RALYL: variants seen among roughly 807,000 people sequenced by gnomAD.
RALYL encodes the protein RNA-binding Raly-like protein.
Under a neutral mutation model 35.1 loss-of-function variants are expected in RALYL, and 29 were observed. The ratio of observed to expected loss-of-function variants is 0.83; its 90% CI spans 0.61 to 1.13. The LOEUF is 1.13. Among genes scored for constraint, RALYL ranks in the 50% most tolerant of loss-of-function variants. The probability of loss-of-function intolerance (pLI) is 0.00; values close to 1 mark genes in which losing one functional copy is unlikely to be tolerated. For synonymous variants in RALYL, 120 were observed against 127.6 expected (o/e 0.94, Z 0.40); for missense variants, 359 against 360.4 (o/e 1.00, Z 0.03).
At chr8:84,666,842 A>G (rs916274578) in intron 2 of RALYL, among the ~76,000 whole-genome samples, 1 of 152,060 alleles carries the variant, frequency 6.6e-6, no homozygotes, top group South Asian at 2.1e-4. Flanking sequence ...TTATTCATGT[A>G]TTTATTCTGC....
At position 84,502,907 on chromosome 8, in the gene RALYL, A is replaced by C. The variant is rs539037681; in HGVS notation, c.-23-26392A>C. Among the ~76,000 whole-genome samples the C allele has an allele frequency of 3.0e-5, 4 of 133,916 alleles. No homozygotes were observed. The South Asian group carries it at 1.1e-3, about 37-fold the overall frequency. 87.9% of individuals were successfully genotyped at this position (133,916 alleles called of 152,430 possible). A position where few individuals can be genotyped will look rare whatever the true frequency, so the allele number is the denominator to read the frequency against. ...TTATTTCTGCTTCAATCAAAGACCC[A>C]CTCTTTAAAAAAAAAAAAGGAAAAA... is the stretch of plus-strand genomic sequence containing the variant. On this transcript the variant is annotated intron_variant, in intron 1 of 8. Transcript: ENST00000521268.
intron 2 of RALYL, among the ~76,000 whole-genome samples, chr8:84,643,407 C>T (rs936489994): frequency 6.6e-6 from 1 of 152,028 alleles, no homozygotes; most frequent in Non-Finnish European, 1.5e-5. Flanking sequence ...CTCCAGTGGT[C>T]ACTTTCTTTG....
At chr8:84,906,148 T>C (rs1846452036) in intron 8 of RALYL, among the ~76,000 whole-genome samples, 1 of 152,106 alleles carries the variant, frequency 6.6e-6, no homozygotes, top group South Asian at 2.1e-4. Context: ...TTTCCAGAGG[T>C]TGTTGAACTT....
At chr8:84,387,894 G>A (rs1859613246) in intron 1 of RALYL, among the ~76,000 whole-genome samples, 1 of 149,760 alleles carries the variant, frequency 6.7e-6, no homozygotes, top group African/African-American at 2.5e-5. Context: ...TGCACAATGT[G>A]CAGGTTAGTT....
At chr8:84,744,831 T>A (rs1260291748) in intron 2 of RALYL, among the ~76,000 whole-genome samples, 1 of 151,952 alleles carries the variant, frequency 6.6e-6, no homozygotes, top group African/African-American at 2.4e-5. Context: ...CCAAAAATGA[T>A]GATAAAAGAC....
chr8:84,788,473 C>G (rs939601001), intron 3 of RALYL, among the ~76,000 whole-genome samples: 1 of 152,088 alleles, frequency 6.6e-6, no homozygotes, highest in Non-Finnish European at 1.5e-5. Context: ...TAGACATTTT[C>G]AGTGAAAAAT....
At chr8:84,859,620 T>G (rs2135010435) in intron 5 of RALYL, among the ~76,000 whole-genome samples, 1 of 152,220 alleles carries the variant, frequency 6.6e-6, no homozygotes, top group Non-Finnish European at 1.5e-5. Context: ...GAGCCCAAGT[T>G]GGGCAGATCA....
At chr8:84,424,116 G>T (rs1309752251) in intron 1 of RALYL, among the ~76,000 whole-genome samples, 3 of 151,782 alleles carry the variant, frequency 2.0e-5, no homozygotes, top group Non-Finnish European at 4.4e-5. Context: ...GATTGGGGAA[G>T]TTCTCCTGGA....
intron 8 of RALYL, among the ~76,000 whole-genome samples, chr8:84,888,836 G>A (rs901904785): frequency 6.6e-6 from 1 of 151,862 alleles, no homozygotes; most frequent in African/African-American, 2.4e-5. Flanking sequence ...TGCAACCTCC[G>A]CCCCCCTGGT....
chr8:84,204,430 C>T (rs1817617338), intron 1 of RALYL, among the ~76,000 whole-genome samples: 1 of 152,108 alleles, frequency 6.6e-6, no homozygotes, highest in South Asian at 2.1e-4. Context: ...TATTTTGACC[C>T]AATCTGTTTC....
chr8:84,751,197 C>G (rs1162990611), intron 2 of RALYL, among the ~76,000 whole-genome samples: 1 of 151,978 alleles, frequency 6.6e-6, no homozygotes, highest in African/African-American at 2.4e-5. Context: ...AAACATCCCT[C>G]AAAAATGCTC....
intron 7 of RALYL, among the ~76,000 whole-genome samples, chr8:84,886,755 C>G (rs1419025331): frequency 6.6e-6 from 1 of 152,146 alleles, no homozygotes; most frequent in African/African-American, 2.4e-5. Flanking sequence ...ATGCACAGAT[C>G]CTGACAACTA....
At chr8:84,239,839 C>T (rs1827464944) in intron 1 of RALYL, among the ~76,000 whole-genome samples, 2 of 152,040 alleles carry the variant, frequency 1.3e-5, no homozygotes, top group South Asian at 4.2e-4. Context: ...TACTGTGAAG[C>T]CGAGATCGCG....
intron 2 of RALYL, among the ~76,000 whole-genome samples, chr8:84,646,486 T>C (rs1827520995): frequency 6.6e-6 from 1 of 151,986 alleles, no homozygotes; most frequent in African/African-American, 2.4e-5. Flanking sequence ...CTTAAGTTCT[T>C]TGGTTGGTTT....
chr8:84,793,790 G>A (rs924746151), intron 3 of RALYL, among the ~76,000 whole-genome samples: 1 of 152,156 alleles, frequency 6.6e-6, no homozygotes, highest in African/African-American at 2.4e-5. Flanking sequence ...CAGAGAACAA[G>A]GGTCCAGGGG....
chr8:84,218,734 G>A (rs1746241470), intron 1 of RALYL, among the ~76,000 whole-genome samples: 1 of 152,054 alleles, frequency 6.6e-6, no homozygotes, highest in Admixed American at 6.6e-5. Context: ...TCAACAGTCA[G>A]TTTATTGATT....
chr8:84,690,760 T>G (rs1837871475), intron 2 of RALYL, among the ~76,000 whole-genome samples: 1 of 152,060 alleles, frequency 6.6e-6, no homozygotes, highest in African/African-American at 2.4e-5. Flanking sequence ...AAATCCATCT[T>G]TAAGTCTTAT....
chr8:84,861,714 G>A (rs367806071), intron 5 of RALYL, among the ~76,000 whole-genome samples: 2 of 152,166 alleles, frequency 1.3e-5, no homozygotes, highest in African/African-American at 4.8e-5. Context: ...TGCAATCAGA[G>A]GAGACTTTGT....
At chr8:84,245,928 A>G (rs1306852553) in intron 1 of RALYL, among the ~76,000 whole-genome samples, 1 of 152,194 alleles carries the variant, frequency 6.6e-6, no homozygotes, top group Non-Finnish European at 1.5e-5. Context: ...GAGAAAGTGC[A>G]GCTTTGAAAG....
Sources: gnomAD v4.1 joint callset for allele counts (sites outside exome capture counted in the v4.1 genomes callset) on GRCh38, gnomAD v4.1.1 for gene constraint, MANE v1.5 for transcripts, NCBI Gene and HGNC (gene_info 2026-07-23, HGNC 2026-07-21) for gene names.